The following TMEFF2 variants were observed in gnomAD, a reference collection of about 807,000 sequenced individuals.
The protein encoded by TMEFF2 is tomoregulin-2.
In TMEFF2, 28 loss-of-function variants were observed where a neutral mutation model predicts 53.8. That is an observed-to-expected ratio of 0.52 (90% confidence interval 0.39 to 0.71). The LOEUF is 0.71. TMEFF2 is among the 30% of genes least tolerant of loss of function. TMEFF2 has a pLI of 0.00. For synonymous variants in TMEFF2, 162 were observed against 166.3 expected (o/e 0.97, Z 0.20); for missense variants, 353 against 455.2 (o/e 0.78, Z 2.04).
intron 7 of TMEFF2, among the ~76,000 whole-genome samples, chr2:191,985,200 A>G (rs548748642): frequency 6.3e-4 from 96 of 152,232 alleles, no homozygotes; most frequent in African/African-American, 2.2e-3. Flanking sequence ...CATAGGAAAA[A>G]GGAAAAAAAA....
At chr2:191,996,917 T>C (rs577740517) in intron 7 of TMEFF2, among the ~76,000 whole-genome samples, 10 of 151,958 alleles carry the variant, frequency 6.6e-5, no homozygotes, top group Non-Finnish European at 1.5e-4. Flanking sequence ...GTGGGTTCAG[T>C]AAGCTATAGA....
At chr2:191,980,425 A>G (rs1685828013) in intron 7 of TMEFF2, among the ~76,000 whole-genome samples, 1 of 152,138 alleles carries the variant, frequency 6.6e-6, no homozygotes, top group Admixed American at 6.5e-5. Context: ...TGCAACAGGA[A>G]CAACATTTTA....
intron 4 of TMEFF2, among the ~76,000 whole-genome samples, chr2:192,087,736 T>C (rs1429777389): frequency 1.3e-5 from 2 of 152,252 alleles, no homozygotes; most frequent in East Asian, 3.9e-4. Flanking sequence ...CACTGACAAA[T>C]GCTCTTCTGA....
chr2:192,070,133 G>C (rs1422444636), intron 4 of TMEFF2, among the ~76,000 whole-genome samples: 3 of 150,600 alleles, frequency 2.0e-5, no homozygotes, highest in African/African-American at 7.3e-5. Context: ...TTTAATGCTT[G>C]TTTTTAGGAC....
chr2:192,152,808 A>G (rs1690419297), intron 4 of TMEFF2, among the ~76,000 whole-genome samples: 1 of 151,934 alleles, frequency 6.6e-6, no homozygotes, highest in Non-Finnish European at 1.5e-5. Flanking sequence ...ACTAATTTTA[A>G]CAGGTTGATG....
intron 4 of TMEFF2, among the ~76,000 whole-genome samples, chr2:192,165,765 G>A (rs1310311514): frequency 1.3e-5 from 2 of 151,208 alleles, no homozygotes; most frequent in Non-Finnish European, 2.9e-5. Flanking sequence ...AAAAATTAGA[G>A]ACTTTGTCAA....
At position 191,956,266 on chromosome 2, in the gene TMEFF2, C is replaced by T. The variant is rs1692090670; in HGVS notation, c.858G>A (p.Glu286=). 1.2e-6 allele frequency: 2 copies of T among 1,611,884 alleles called. No individual in the cohort carries two copies. The highest frequency in any genetic ancestry group is 1.3e-5 in the African/African-American group (1 of 74,806). The change falls in exon 8 of 10, where the codon GAG becomes GAA. Residue 286 remains glutamate (E), a synonymous_variant. Coordinates refer to ENST00000272771, the MANE Select transcript of TMEFF2 (RefSeq NM_016192.4). ...GKCEHSINMQ[E]PSCRCDAGYT... is the part of the protein sequence containing the mutation. The stretch of plus-strand genomic sequence containing the variant: ...AGTAAAAATGTTACCTGCAAGATGG[C>T]TCCTGCATATTGATAGAATGCTCAC...
At chr2:192,012,110 A>G (rs1425610463) in intron 5 of TMEFF2, among the ~76,000 whole-genome samples, 1 of 152,024 alleles carries the variant, frequency 6.6e-6, no homozygotes, top group Non-Finnish European at 1.5e-5. Context: ...TCACTGTGTT[A>G]GCCAGGATGG....
At position 192,062,967 on chromosome 2, in the gene TMEFF2, T is replaced by TG. The variant is rs144024838; in HGVS notation, c.440-5193dup. Among the ~76,000 whole-genome samples the TG allele has an allele frequency of 1.3e-3, 8 of 6,336 alleles. No individual in the cohort carries two copies. The Non-Finnish European group carries it at 0.014, about 11-fold the overall frequency. 4.2% of individuals were successfully genotyped at this position (6,336 alleles called of 152,430 possible). On this transcript the variant is annotated intron_variant, in intron 4 of 9. Transcript: ENST00000272771. ...CTAGTGAAACTATCTAGTCCGGGAG[T>TG]GTTTTTTTTTTTTGTTGTTGTTGTT...
intron 4 of TMEFF2, among the ~76,000 whole-genome samples, chr2:192,129,200 C>T (rs1689750677): frequency 6.6e-6 from 1 of 152,120 alleles, no homozygotes; most frequent in African/African-American, 2.4e-5. Context: ...CGAATTGGTT[C>T]CCTGAGAGTT....
chr2:192,009,093 C>T (rs548059322), intron 5 of TMEFF2, among the ~76,000 whole-genome samples: 21 of 152,284 alleles, frequency 1.4e-4, no homozygotes, highest in African/African-American at 4.6e-4. Context: ...TGTAAGAACA[C>T]TCATGATAAT....
chr2:192,047,732 G>C (rs1222789156), intron 5 of TMEFF2, among the ~76,000 whole-genome samples: 1 of 152,142 alleles, frequency 6.6e-6, no homozygotes, highest in Non-Finnish European at 1.5e-5. Flanking sequence ...TTGATGTTTT[G>C]ATTGGGTGTT....
chr2:192,191,198 T>C (rs1017509061), intron 2 of TMEFF2, among the ~76,000 whole-genome samples: 12 of 152,164 alleles, frequency 7.9e-5, no homozygotes, highest in African/African-American at 2.7e-4. Context: ...GTTTTGATCA[T>C]GCCAGTAGTG....
chr2:192,176,408 T>C (rs1691045646), intron 4 of TMEFF2, among the ~76,000 whole-genome samples: 1 of 151,248 alleles, frequency 6.6e-6, no homozygotes, highest in Admixed American at 6.6e-5. Context: ...TATTAATGAG[T>C]TTTCTTAAAC....
rs58502767 is a variant in TMEFF2, at chr2:191,964,398, CTCTTTCTTTCTT to C, written c.746-8032_746-8021del. On this transcript the variant is annotated intron_variant, in intron 7 of 9. Coordinates refer to ENST00000272771, the MANE Select transcript of TMEFF2 (RefSeq NM_016192.4). ...TCTTTCTTTCTTTCTTTCTTTCTTT[CTCTTTCTTTCTT>C]TCTTTCTTTCTTTCTTTCTTTCTTT... Among the ~76,000 whole-genome samples the C allele has an allele frequency of 7.2e-3, 371 of 51,762 alleles. 4 individuals are homozygous for C. The highest frequency in any genetic ancestry group is 0.048 in the Middle Eastern group (5 of 104). The allele number at this position is 51,762 out of a possible 152,430, so 34.0% of individuals were successfully genotyped here. A position where few individuals can be genotyped will look rare whatever the true frequency, so the allele number is the denominator to read the frequency against.
chr2:192,061,289 G>A (rs923623592), intron 4 of TMEFF2, among the ~76,000 whole-genome samples: 2 of 152,084 alleles, frequency 1.3e-5, no homozygotes, highest in African/African-American at 4.8e-5. Context: ...GTGAAATGAA[G>A]TCATCCATCA....
At chr2:192,049,176 T>C (rs1687701629) in intron 5 of TMEFF2, among the ~76,000 whole-genome samples, 1 of 152,274 alleles carries the variant, frequency 6.6e-6, no homozygotes, top group Middle Eastern at 3.4e-3. Context: ...TGTGTGTGCA[T>C]ACTCACAATA....
intron 7 of TMEFF2, among the ~76,000 whole-genome samples, chr2:191,964,470 ATCCC>A (rs922685938): frequency 6.9e-6 from 1 of 144,796 alleles, no homozygotes; most frequent in Non-Finnish European, 1.5e-5. Flanking sequence ...TCTAGGGCCA[ATCCC>A]TCATGAATCT....
At chr2:192,125,050 G>A (rs1689644163) in intron 4 of TMEFF2, among the ~76,000 whole-genome samples, 1 of 152,058 alleles carries the variant, frequency 6.6e-6, no homozygotes, top group Non-Finnish European at 1.5e-5. Context: ...TTAATTAATT[G>A]GGAAAGGATA....
Sources: gnomAD v4.1 joint callset for allele counts (sites outside exome capture counted in the v4.1 genomes callset) on GRCh38, gnomAD v4.1.1 for gene constraint, MANE v1.5 for transcripts, NCBI Gene and HGNC (gene_info 2026-07-23, HGNC 2026-07-21) for gene names.